NPAS3: variants seen among roughly 807,000 people sequenced by gnomAD.
NPAS3 encodes neuronal PAS domain-containing protein 3.
Under a neutral mutation model 73.1 loss-of-function variants are expected in NPAS3, and 14 were observed. The observed-to-expected ratio is 0.19, with a 90% CI of 0.13 to 0.30. The LOEUF is 0.30. Ranked by LOEUF, NPAS3 falls within the 10% of genes least tolerant of loss-of-function variation. NPAS3 has a pLI of 1.00. For synonymous variants in NPAS3, 620 were observed against 541.5 expected (o/e 1.14, Z -2.01); for missense variants, 1,096 against 1,250.0 (o/e 0.88, Z 1.86).
intron 3 of NPAS3, among the ~76,000 whole-genome samples, chr14:33,313,601 G>C (rs578098127): frequency 6.6e-6 from 1 of 152,142 alleles, no homozygotes; most frequent in East Asian, 1.9e-4. Context: ...AAAATTCAGT[G>C]TCCATTCCAT....
At chr14:33,552,273 G>A (rs548493135) in intron 4 of NPAS3, among the ~76,000 whole-genome samples, 19 of 152,268 alleles carry the variant, frequency 1.2e-4, no homozygotes, top group Non-Finnish European at 2.4e-4. Context: ...CCCAGCAGGT[G>A]GTCTCAGCAG....
intron 3 of NPAS3, among the ~76,000 whole-genome samples, chr14:33,315,040 T>C (rs2140211564): frequency 6.6e-6 from 1 of 152,184 alleles, no homozygotes; most frequent in African/African-American, 2.4e-5. Flanking sequence ...TGATTAATAA[T>C]TATCTGTGTA....
chr14:33,233,069 C>A (rs2047910604), intron 3 of NPAS3, among the ~76,000 whole-genome samples: 1 of 152,112 alleles, frequency 6.6e-6, no homozygotes. Flanking sequence ...GAACTAATAA[C>A]CTTTTCAAAT....
chr14:33,358,422 A>T (rs1232791835), intron 3 of NPAS3, among the ~76,000 whole-genome samples: 3 of 151,932 alleles, frequency 2.0e-5, no homozygotes, highest in Non-Finnish European at 1.5e-5. Context: ...GGGCAGGATG[A>T]TGCGCCTGGA....
intron 5 of NPAS3, among the ~76,000 whole-genome samples, chr14:33,614,969 A>T (rs1252335926): frequency 1.3e-5 from 2 of 152,180 alleles, no homozygotes; most frequent in South Asian, 2.1e-4. Flanking sequence ...AGAGAGATGG[A>T]TGTGCAAAGA....
intron 2 of NPAS3, among the ~76,000 whole-genome samples, chr14:33,155,843 A>G (rs2044627571): frequency 6.6e-6 from 1 of 152,220 alleles, no homozygotes; most frequent in Non-Finnish European, 1.5e-5. Context: ...AAAATAGTGA[A>G]TAATAGTGCT....
At chr14:33,034,505 A>AAT (rs1429390663) in intron 1 of NPAS3, among the ~76,000 whole-genome samples, 2 of 151,496 alleles carry the variant, frequency 1.3e-5, no homozygotes, top group Non-Finnish European at 2.9e-5. Context: ...TAATAGAGTT[A>AAT]ATATATACCA....
chr14:33,021,464 T>G (rs559394700), intron 1 of NPAS3, among the ~76,000 whole-genome samples: 1 of 152,270 alleles, frequency 6.6e-6, no homozygotes, highest in South Asian at 2.1e-4. Context: ...TCTTGCACAT[T>G]AGGAGTCACA....
chr14:33,090,881 T>C (rs2042202193), intron 2 of NPAS3, among the ~76,000 whole-genome samples: 1 of 152,216 alleles, frequency 6.6e-6, no homozygotes, highest in Non-Finnish European at 1.5e-5. Context: ...CTGAACAACC[T>C]GCTCCTGAAT....
At chr14:33,285,631 A>G (rs2041844499) in intron 3 of NPAS3, among the ~76,000 whole-genome samples, 1 of 152,184 alleles carries the variant, frequency 6.6e-6, no homozygotes, top group Non-Finnish European at 1.5e-5. Context: ...ATATTGAGAT[A>G]AGAAAAAAGA....
intron 5 of NPAS3, among the ~76,000 whole-genome samples, chr14:33,649,699 C>T (rs1794270981): frequency 6.6e-6 from 1 of 151,676 alleles, no homozygotes; most frequent in Non-Finnish European, 1.5e-5. Flanking sequence ...GGAAGAAAGG[C>T]CAAAAAGGAG....
chr14:33,110,877 G>A (rs1175128653), intron 2 of NPAS3, among the ~76,000 whole-genome samples: 2 of 152,108 alleles, frequency 1.3e-5, no homozygotes, highest in African/African-American at 4.8e-5. Flanking sequence ...TAACTGAAAG[G>A]GTAAAATGAG....
intron 4 of NPAS3, among the ~76,000 whole-genome samples, chr14:33,473,188 G>A (rs1477830240): frequency 2.6e-5 from 4 of 152,148 alleles, no homozygotes; most frequent in African/African-American, 7.2e-5. Context: ...TGGCAGAGAC[G>A]CTAGCATTCT....
In NPAS3 at chr14:33,799,716, G is replaced by GC; in HGVS notation, c.1427-12dup. On this transcript the variant is annotated splice_polypyrimidine_tract_variant and intron_variant, in intron 11 of 11. Coordinates refer to ENST00000356141, the Ensembl canonical transcript of NPAS3. Reference sequence around the variant, plus strand: ...TCTCTCTCCGCCCCCGCCACCGCCGGCCCCCCGCCCCACACAGAGGACAAC... The same window carrying GC: ...TCTCTCTCCGCCCCCGCCACCGCCGGCCCCCCCGCCCCACACAGAGGACAAC... 2 of 1,550,024 alleles carry GC rather than the reference G, an allele frequency of 1.3e-6. No homozygotes were observed. Among genetic ancestry groups the GC allele is most frequent in the Non-Finnish European group, 8.7e-7 (1 of 1,147,586 alleles).
intron 2 of NPAS3, among the ~76,000 whole-genome samples, chr14:33,147,730 A>AAAAAAAATATATAT (rs372663411): frequency 7.7e-6 from 1 of 130,386 alleles, no homozygotes; most frequent in African/African-American, 3.2e-5. Context: ...TAGAATAAAA[A>AAAAAAAATATATAT]ATATATATAT....
chr14:33,715,712 T>C (rs555334946), intron 6 of NPAS3, among the ~76,000 whole-genome samples: 53 of 152,334 alleles, frequency 3.5e-4, no homozygotes, highest in African/African-American at 1.2e-3. Flanking sequence ...TAATAAACAC[T>C]GATATGGTTT....
At position 33,328,446 on chromosome 14, in the gene NPAS3, C is replaced by CTTTTT. The variant is rs58411120; in HGVS notation, c.386-38706_386-38702dup. On this transcript the variant is annotated intron_variant, in intron 3 of 11. Transcript: ENST00000356141. ...TTTATCTTTCTTTTCCTTTTCTTTTCTTTTTTTTTTTTTTTTTTTTTTTTT... is the reference window on the plus strand; with the variant it reads ...TTTATCTTTCTTTTCCTTTTCTTTTCTTTTTTTTTTTTTTTTTTTTTTTTTTTTTT... Among the ~76,000 whole-genome samples, 99 of 49,596 alleles carry CTTTTT rather than the reference C, an allele frequency of 2.0e-3. 26 individuals are homozygous for CTTTTT. Among genetic ancestry groups the CTTTTT allele is most frequent in the Non-Finnish European group, 2.7e-3 (72 of 26,754 alleles). The allele number at this position is 49,596 out of a possible 152,430, so 32.5% of individuals were successfully genotyped here. A position where few individuals can be genotyped will look rare whatever the true frequency, so the allele number is the denominator to read the frequency against.
intron 3 of NPAS3, among the ~76,000 whole-genome samples, chr14:33,351,903 G>A (rs1052225143): frequency 9.2e-5 from 14 of 152,200 alleles, no homozygotes; most frequent in Admixed American, 7.8e-4. Flanking sequence ...GTTGGTGGGT[G>A]GGGGGCTAAG....
chr14:33,301,100 A>T (rs2042511941), intron 3 of NPAS3, among the ~76,000 whole-genome samples: 1 of 151,562 alleles, frequency 6.6e-6, no homozygotes, highest in Non-Finnish European at 1.5e-5. Flanking sequence ...CTGGAGCAGC[A>T]GCTCCCAGAT....
Sources: gnomAD v4.1 joint callset for allele counts (sites outside exome capture counted in the v4.1 genomes callset) on GRCh38, gnomAD v4.1.1 for gene constraint, MANE v1.5 for transcripts, NCBI Gene and HGNC (gene_info 2026-07-23, HGNC 2026-07-21) for gene names.